Variants in RAD21 observed in about 807,000 individuals in gnomAD.
RAD21 encodes double-strand-break repair protein rad21 homolog.
RAD21 carries 18 observed loss-of-function variants against 71.5 expected under a neutral mutation model. That is an observed-to-expected ratio of 0.25 (90% confidence interval 0.17 to 0.37). The LOEUF (loss-of-function observed/expected upper bound fraction) is 0.37. Ranked by LOEUF, RAD21 falls within the 10% of genes least tolerant of loss-of-function variation. RAD21 has a pLI of 1.00. For missense variants in RAD21, 493 were observed against 769.1 expected, an observed-to-expected ratio of 0.64 and a Z score of 4.25; for synonymous variants, 248 against 254.0, an observed-to-expected ratio of 0.98 and a Z score of 0.22.
At chr8:116,874,051 G>A (rs896570286) in intron 1 of RAD21, 31 of 152,338 alleles carry the variant, frequency 2.0e-4, no homozygotes, top group African/African-American at 7.0e-4. Context: ...CTGGCCGAGG[G>A]GCACCCGCCG....
At chr8:116,860,301 G>C (rs556275900) in intron 4 of RAD21, among the ~76,000 whole-genome samples, 3 of 152,134 alleles carry the variant, frequency 2.0e-5, no homozygotes, top group South Asian at 2.1e-4. Flanking sequence ...CCATAAACTT[G>C]GTTGATAAAG....
At chr8:116,857,039 G>A (rs1012626858) in intron 6 of RAD21, among the ~76,000 whole-genome samples, 13 of 151,976 alleles carry the variant, frequency 8.6e-5, no homozygotes, top group Non-Finnish European at 1.6e-4. Context: ...AAACAGAACA[G>A]TTTTAAGTAC....
chr8:116,851,818 C>G, intron 11 of RAD21, 130 bp downstream of exon 11: 1 of 950,870 alleles, frequency 1.1e-6, no homozygotes, highest in East Asian at 2.5e-5. Flanking sequence ...TGTTGCTCTT[C>G]TTCCTCTGGA....
chr8:116,852,849 C>A (rs1385197426), intron 9 of RAD21, 141 bp from the exon 10 acceptor site: 2 of 561,956 alleles, frequency 3.6e-6, no homozygotes, highest in African/African-American at 3.9e-5. Flanking sequence ...ATTCACATTT[C>A]ATTCCATCTG....
intron 1 of RAD21, chr8:116,867,126 TC>T (rs1812713011): frequency 6.5e-6 from 1 of 154,560 alleles, no homozygotes; most frequent in Admixed American, 6.5e-5. Flanking sequence ...AGAAAGATAC[TC>T]AGGCACAGAT....
chr8:116,849,154 A>G, intron 12 of RAD21, 125 bp from the exon 13 acceptor site: 7 of 606,664 alleles, frequency 1.2e-5, no homozygotes, highest in Non-Finnish European at 1.9e-5. Context: ...AGAAAACTGT[A>G]CTTAATGCTG....
chr8:116,853,948 TAAAACAC>T (rs910824537), intron 9 of RAD21, among the ~76,000 whole-genome samples: 6 of 152,224 alleles, frequency 3.9e-5, no homozygotes, highest in African/African-American at 1.2e-4. Flanking sequence ...AATTCAGATG[TAAAACAC>T]ACTAAGACGA....
rs1812269106 is a variant in RAD21 at position 116,847,360 on chromosome 8, A to G, written c.*140T>C. Reference sequence around the variant, plus strand: ...GAAATTGACAAATTTAATGTACTGGAAAAAAATGAAGAAGGAAAAAGGCAA... The same window carrying G: ...GAAATTGACAAATTTAATGTACTGGGAAAAAATGAAGAAGGAAAAAGGCAA... On this transcript the variant is annotated 3_prime_UTR_variant, in exon 14 of 14. Transcript: ENST00000297338. The G allele has an allele frequency of 4.4e-6, 3 of 679,294 alleles. No homozygotes were observed. The highest frequency in any genetic ancestry group is 2.5e-5 in the South Asian group (1 of 40,274). 42.1% of individuals were successfully genotyped at this position (679,294 alleles called of 1,614,324 possible).
At chr8:116,851,892 G>C (rs751270758) in intron 11 of RAD21, 56 bp downstream of exon 11, 20 of 1,528,374 alleles carry the variant, frequency 1.3e-5, no homozygotes, top group Non-Finnish European at 1.8e-5. Flanking sequence ...AATACCACTT[G>C]CTACTGACTG....
At chr8:116,866,440 A>T in intron 2 of RAD21, 146 bp downstream of exon 2, 1 of 628,782 alleles carries the variant, frequency 1.6e-6, no homozygotes, top group Non-Finnish European at 2.6e-6. Flanking sequence ...TCTAGAGGTG[A>T]TAAGGACTTC....
intron 10 of RAD21, 67 bp from the exon 11 acceptor site, chr8:116,852,163 A>G: frequency 2.9e-6 from 4 of 1,377,034 alleles, no homozygotes; most frequent in Non-Finnish European, 3.9e-6. Flanking sequence ...AGAACCATTT[A>G]TTTTTTAAAC....
intron 2 of RAD21, among the ~76,000 whole-genome samples, chr8:116,864,851 A>G (rs1386537003): frequency 2.6e-5 from 4 of 152,160 alleles, no homozygotes; most frequent in Non-Finnish European, 5.9e-5. Context: ...AAGTGTAAAC[A>G]TAAATATAAT....
rs1464934605 is a variant in RAD21 at position 116,856,156 on chromosome 8, A to G, written c.937+10T>C. On this transcript the variant is annotated intron_variant, in intron 8 of 13. Transcript: ENST00000297338. ...GTATGCTGTATAAATCTAAAGGTTC[A>G]TATGCTTACCAGTTATATCAATAGG... The G allele has an allele frequency of 4.4e-6, 7 of 1,608,450 alleles. No homozygotes were observed. In the Admixed American group the frequency reaches 1.2e-4, roughly 27 times the overall value.
rs1252368238 is a variant in RAD21, at chr8:116,857,273, T to A, written c.682A>T (p.Ile228Leu). The A allele has an allele frequency of 6.2e-7, 1 of 1,603,268 alleles. No individual in the cohort carries two copies. The highest frequency in any genetic ancestry group is 8.5e-7 in the Non-Finnish European group (1 of 1,172,560). Residue 228 changes from isoleucine to leucine, a missense_variant, in exon 6 of 14, where the codon ATA becomes TTA. Ile to Leu is a conservative substitution (Grantham distance 5). This residue lies in a region of RAD21 where 165 missense variants were observed against 229.6 expected (regional missense o/e 0.72). Transcript: ENST00000297338. Reference sequence around the variant, plus strand: ...AACCATCATTCCCACATACCTAATATTCCACCATCATTTCCTTCTCCAAAA... The same window carrying A: ...AACCATCATTCCCACATACCTAATAATCCACCATCATTTCCTTCTCCAAAA... ...DNFGEGNDGGILDDKLISNND... is the reference protein window; with the variant it reads ...DNFGEGNDGGLLDDKLISNND...
At chr8:116,859,258 G>T (rs1812534928) in intron 4 of RAD21, among the ~76,000 whole-genome samples, 1 of 152,140 alleles carries the variant, frequency 6.6e-6, no homozygotes, top group South Asian at 2.1e-4. Context: ...AGTGCCTTAA[G>T]CAAGTCTGTT....
At position 116,861,668 on chromosome 8, in the gene RAD21, A is replaced by G. The variant is rs16888963; in HGVS notation, c.374+173T>C. On this transcript the variant is annotated intron_variant, in intron 4 of 13. Transcript: ENST00000297338. ...TGACATCCACATGATTTTCTTACAG[A>G]AGAACAACTTTCTAGGTTTTATGTT... Among the ~76,000 whole-genome samples the G allele has an allele frequency of 7.9e-3, 1,201 of 152,138 alleles. 14 individuals carry two copies. Among genetic ancestry groups the G allele is most frequent in the African/African-American group, 0.028 (1,146 of 41,520 alleles).
At chr8:116,854,217 G>T (rs1173637414) in intron 9 of RAD21, 28 bp downstream of exon 9, 1 of 1,491,768 alleles carries the variant, frequency 6.7e-7, no homozygotes, top group Non-Finnish European at 9.2e-7. Flanking sequence ...AAATGTATAT[G>T]AAGTAAAAAT....
At position 116,852,949 on chromosome 8, in the gene RAD21, G is replaced by A. The variant is rs74510799; in HGVS notation, c.1162-241C>T. On this transcript the variant is annotated intron_variant, in intron 9 of 13. Coordinates refer to ENST00000297338, the MANE Select transcript of RAD21 (RefSeq NM_006265.3). The stretch of plus-strand genomic sequence containing the variant: ...TATCCATTATCTCACAACCTTAAGG[G>A]CTTTTCTATTTATCTGCCTGCAGTT... Among the ~76,000 whole-genome samples the A allele has an allele frequency of 0.011, 1,698 of 152,084 alleles. 85 individuals carry two copies. In the East Asian group the frequency reaches 0.13, roughly 11 times the overall value.
chr8:116,858,551 A>G (rs942446894), intron 4 of RAD21, 93 bp from the exon 5 acceptor site: 21 of 965,220 alleles, frequency 2.2e-5, no homozygotes, highest in Non-Finnish European at 3.1e-5. Flanking sequence ...AAAAAAATAT[A>G]TATGTATAAC....
Sources: gnomAD v4.1 joint callset for allele counts (sites outside exome capture counted in the v4.1 genomes callset) on GRCh38, gnomAD v4.1.1 for gene constraint, gnomAD v4.1.1 regional missense constraint, MANE v1.5 for transcripts, NCBI Gene and HGNC (gene_info 2026-07-23, HGNC 2026-07-21) for gene names.